WDR49: variants seen among roughly 807,000 people sequenced by gnomAD.
WDR49 encodes the protein cilia- and flagella-associated protein 337.
In WDR49, 107 loss-of-function variants were observed where a neutral mutation model predicts 119.5. The ratio of observed to expected loss-of-function variants is 0.90; its 90% CI spans 0.77 to 1.05. The LOEUF (loss-of-function observed/expected upper bound fraction) is 1.05, where lower values mean the gene tolerates loss of function less well. Among genes scored for constraint, WDR49 ranks in the 50% least tolerant of loss-of-function variants. WDR49 has a pLI of 0.00. For synonymous variants in WDR49, 425 were observed against 418.8 expected, an observed-to-expected ratio of 1.01 and a Z score of -0.18; for missense variants, 1,240 against 1,220.5, an observed-to-expected ratio of 1.02 and a Z score of -0.24.
At chr3:167,589,906 A>G (rs1396625309) in intron 7 of WDR49, among the ~76,000 whole-genome samples, 3 of 151,914 alleles carry the variant, frequency 2.0e-5, no homozygotes, top group Admixed American at 6.6e-5. Context: ...TGCCCTTTTT[A>G]TATTTCTCTT....
At chr3:167,505,231 A>G in intron 17 of WDR49, 76 bp downstream of exon 17, 1 of 1,296,394 alleles carries the variant, frequency 7.7e-7, no homozygotes, top group Non-Finnish European at 9.8e-7. Flanking sequence ...TTCCTGACAC[A>G]CAGAGTAGAC....
At chr3:167,533,599 T>C (rs1752923354) in intron 11 of WDR49, among the ~76,000 whole-genome samples, 1 of 152,072 alleles carries the variant, frequency 6.6e-6, no homozygotes, top group African/African-American at 2.4e-5. Context: ...TATTGAATAC[T>C]GAATATTGTC....
Position 167,529,117 on chromosome 3 carries a change from C to T in WDR49, c.2341G>A (p.Asp781Asn). ...GTGGTAAGGTATCGATTCATCTTAT[C>T]AGTAGACATAATAATCGATCCAACT... is the stretch of plus-strand genomic sequence containing the variant. ...SGVGSIIMST[D>N]KMNRYLTTGD... Residue 781 changes from aspartate to asparagine, a missense_variant, in exon 14 of 19, where the codon GAT (aspartate) becomes AAT (asparagine). Asp to Asn is a conservative substitution (Grantham distance 23). Coordinates refer to ENST00000682715, the MANE Select transcript of WDR49 (RefSeq NM_001366157.1). 6.2e-7 allele frequency: 1 copy of T among 1,611,092 alleles called. No individual in the cohort carries two copies. Among genetic ancestry groups the T allele is most frequent in the Non-Finnish European group, 8.5e-7 (1 of 1,178,968 alleles).
In WDR49 at chr3:167,604,456, G is replaced by A. The variant is rs1452485593; in HGVS notation, c.971C>T (p.Ala324Val). ...GDWVRQVTYNASLDAIISSTT... is the reference protein window; with the variant it reads ...GDWVRQVTYNVSLDAIISSTT... ...ACTGGAAATGATAGCGTCTAAAGAT[G>A]CATTGTAAGTAACTGATAAAAAATT... Residue 324 changes from alanine (A) to valine (V), a missense_variant, in exon 6 of 19, where the codon GCA becomes GTA. Physicochemically the swap from Ala to Val is moderately conservative, Grantham distance 64. Coordinates refer to ENST00000682715, the MANE Select transcript of WDR49 (RefSeq NM_001366157.1). The A allele has an allele frequency of 2.5e-6, 4 of 1,608,864 alleles. No homozygotes were observed. The highest frequency in any genetic ancestry group is 1.1e-5 in the South Asian group (1 of 90,276).
At chr3:167,541,064 C>A (rs955533806) in intron 10 of WDR49, among the ~76,000 whole-genome samples, 1 of 151,748 alleles carries the variant, frequency 6.6e-6, no homozygotes, top group Admixed American at 6.6e-5. Context: ...ATTAAATGGC[C>A]AAACCTAAGA....
intron 5 of WDR49, among the ~76,000 whole-genome samples, chr3:167,617,943 T>C (rs1313331709): frequency 1.3e-5 from 2 of 152,224 alleles, no homozygotes; most frequent in East Asian, 1.9e-4. Flanking sequence ...ACTGTCTGCA[T>C]TGGGTCTGTC....
At chr3:167,565,698 A>C (rs1713552540) in intron 8 of WDR49, among the ~76,000 whole-genome samples, 1 of 152,188 alleles carries the variant, frequency 6.6e-6, no homozygotes, top group Admixed American at 6.5e-5. Context: ...TCCTTGGCAC[A>C]TTCAAGGAAT....
chr3:167,651,067 C>T (rs773695234), intron 2 of WDR49, among the ~76,000 whole-genome samples: 7 of 152,112 alleles, frequency 4.6e-5, no homozygotes, highest in South Asian at 2.1e-4. Flanking sequence ...GTTACTACTA[C>T]GATTAGTATG....
intron 7 of WDR49, among the ~76,000 whole-genome samples, chr3:167,593,341 C>T (rs1223320280): frequency 6.6e-6 from 1 of 151,796 alleles, no homozygotes; most frequent in Non-Finnish European, 1.5e-5. Context: ...AATATCCTGT[C>T]TTCAAGCTCA....
intron 7 of WDR49, among the ~76,000 whole-genome samples, chr3:167,578,701 G>C (rs1011690602): frequency 6.6e-6 from 1 of 152,014 alleles, no homozygotes; most frequent in Non-Finnish European, 1.5e-5. Flanking sequence ...ATCCAGAATG[G>C]AGCCAATATT....
chr3:167,643,405 C>A (rs1052897237), intron 2 of WDR49, among the ~76,000 whole-genome samples: 1 of 151,986 alleles, frequency 6.6e-6, no homozygotes, highest in African/African-American at 2.4e-5. Flanking sequence ...GGCATGAATT[C>A]TTCAAAAATG....
Position 167,536,933 on chromosome 3 carries a change from C to A in WDR49, c.1891G>T (p.Gly631Cys). Residue 631 changes from glycine to cysteine, a missense_variant, in exon 11 of 19, where the codon GGT (glycine) becomes TGT (cysteine). By Grantham distance (159) the Gly-to-Cys change is radical. Coordinates refer to ENST00000682715, the MANE Select transcript of WDR49 (RefSeq NM_001366157.1). Reference protein sequence around the residue: ...FFIQPEEWKGGIQHHDDILCA... With the variant: ...FFIQPEEWKGCIQHHDDILCA... ...AAGATGTCATCATGGTGCTGTATAC[C>A]TCCTTTCCATTCTTCAGGCTGGATG... 2 of 1,588,382 alleles carry A rather than the reference C, an allele frequency of 1.3e-6. No homozygotes were observed. The highest frequency in any genetic ancestry group is 1.2e-5 in the South Asian group (1 of 86,638).
chr3:167,499,604 A>G (rs1467711149), intron 18 of WDR49, among the ~76,000 whole-genome samples: 1 of 152,184 alleles, frequency 6.6e-6, no homozygotes, highest in Non-Finnish European at 1.5e-5. Flanking sequence ...TAATAGTCTG[A>G]AAAATAAAGA....
At chr3:167,622,325 C>T (rs1716912445) in intron 3 of WDR49, among the ~76,000 whole-genome samples, 1 of 151,648 alleles carries the variant, frequency 6.6e-6, no homozygotes, top group Admixed American at 6.6e-5. Context: ...TTACTTGAGG[C>T]CAGGAGTTCA....
chr3:167,525,681 C>T (rs1752605224), intron 15 of WDR49, among the ~76,000 whole-genome samples: 1 of 152,030 alleles, frequency 6.6e-6, no homozygotes. Flanking sequence ...CTGTCAGCTT[C>T]GTGGGATAAA....
At chr3:167,635,566 C>T (rs1184982868) in intron 2 of WDR49, among the ~76,000 whole-genome samples, 2 of 151,652 alleles carry the variant, frequency 1.3e-5, no homozygotes. Context: ...TTTTCTCCTA[C>T]TCTGCAAATA....
intron 5 of WDR49, among the ~76,000 whole-genome samples, chr3:167,618,379 A>G (rs568122097): frequency 6.6e-6 from 1 of 152,288 alleles, no homozygotes; most frequent in Non-Finnish European, 1.5e-5. Flanking sequence ...AATGCCTAAG[A>G]CAGTTTTAAG....
intron 2 of WDR49, among the ~76,000 whole-genome samples, chr3:167,643,769 A>C (rs1717991431): frequency 6.6e-6 from 1 of 152,076 alleles, no homozygotes; most frequent in African/African-American, 2.4e-5. Context: ...TGTAAGAATG[A>C]GTAAATGATA....
chr3:167,530,521 A>G (rs907506695), intron 13 of WDR49, among the ~76,000 whole-genome samples: 1 of 152,100 alleles, frequency 6.6e-6, no homozygotes, highest in African/African-American at 2.4e-5. Context: ...AAATCATAAA[A>G]TAGCATCAAT....
Sources: allele counts gnomAD v4.1 joint callset (sites outside exome capture counted in the v4.1 genomes callset), GRCh38; gene constraint gnomAD v4.1.1; transcripts MANE v1.5; gene names NCBI Gene and HGNC (gene_info 2026-07-23, HGNC 2026-07-21).